The following MPP7 variants were observed in gnomAD, a reference collection of about 807,000 sequenced individuals.
MPP7 encodes MAGUK p55 subfamily member 7.
In MPP7, 60 loss-of-function variants were observed where a neutral mutation model predicts 76.5. The ratio of observed to expected loss-of-function variants is 0.78; its 90% CI spans 0.64 to 0.97. MPP7 has a LOEUF of 0.97. Ranked by LOEUF, MPP7 falls within the 50% of genes least tolerant of loss-of-function variation. The probability of loss-of-function intolerance (pLI) is 0.00; values close to 1 mark genes in which losing one functional copy is unlikely to be tolerated. For synonymous variants in MPP7, 237 were observed against 244.5 expected (o/e 0.97, Z 0.29); for missense variants, 641 against 694.0 (o/e 0.92, Z 0.86).
At chr10:28,239,318 T>C (rs1226818007) in intron 1 of MPP7, among the ~76,000 whole-genome samples, 1 of 151,664 alleles carries the variant, frequency 6.6e-6, no homozygotes, top group Non-Finnish European at 1.5e-5. Flanking sequence ...GCTAATTTTT[T>C]TTTTTTTAAT....
At chr10:28,146,279 C>T (rs1835699311) in intron 5 of MPP7, among the ~76,000 whole-genome samples, 2 of 152,096 alleles carry the variant, frequency 1.3e-5, no homozygotes, top group African/African-American at 2.4e-5. Context: ...TAAACCACTA[C>T]AAATCAATTA....
chr10:28,246,867 T>C (rs1388980121), intron 1 of MPP7, among the ~76,000 whole-genome samples: 1 of 152,230 alleles, frequency 6.6e-6, no homozygotes, highest in East Asian at 1.9e-4. Context: ...TTGAATCATA[T>C]CATACATCTT....
At chr10:28,196,463 C>T (rs1441647045) in intron 3 of MPP7, among the ~76,000 whole-genome samples, 1 of 137,084 alleles carries the variant, frequency 7.3e-6, no homozygotes, top group Non-Finnish European at 1.5e-5. Flanking sequence ...CTGGGTGACA[C>T]AGCGAGACTC....
chr10:28,163,058 T>C (rs1836317356), intron 3 of MPP7, among the ~76,000 whole-genome samples: 1 of 152,150 alleles, frequency 6.6e-6, no homozygotes, highest in Non-Finnish European at 1.5e-5. Flanking sequence ...TCATGTAAGG[T>C]GACACAGTCA....
intron 12 of MPP7, among the ~76,000 whole-genome samples, chr10:28,083,403 G>T (rs1337466124): frequency 5.3e-5 from 8 of 152,072 alleles, no homozygotes; most frequent in Non-Finnish European, 7.4e-5. Flanking sequence ...TGACACCAGG[G>T]GGCTGAAATT....
chr10:28,146,517 T>A (rs1564657468), intron 5 of MPP7, among the ~76,000 whole-genome samples: 1 of 151,704 alleles, frequency 6.6e-6, no homozygotes, highest in South Asian at 2.1e-4. Flanking sequence ...TTCTCCTGCC[T>A]CAGCCTCCCG....
At position 28,115,143 on chromosome 10, in the gene MPP7, C is replaced by T. The variant is rs184761126; in HGVS notation, c.952+4508G>A. Among the ~76,000 whole-genome samples, 230 of 152,018 alleles carry T rather than the reference C, an allele frequency of 1.5e-3. 1 individual carries two copies. Among genetic ancestry groups the T allele is most frequent in the Non-Finnish European group, 2.2e-3 (147 of 67,976 alleles). On this transcript the variant is annotated intron_variant, in intron 11 of 16. Coordinates refer to ENST00000683449, the MANE Select transcript of MPP7 (RefSeq NM_001318170.2). ...TTGAGATGGAGTTTTACTCTTATTG[C>T]CCAGGCTGGAGTGCAATGGCACAAT...
At chr10:28,290,824 C>A (rs766701664) in intron 1 of MPP7, among the ~76,000 whole-genome samples, 3 of 152,122 alleles carry the variant, frequency 2.0e-5, no homozygotes, top group Non-Finnish European at 2.9e-5. Context: ...CAGACTAACA[C>A]GTGAAAGAAG....
At chr10:28,232,927 A>G (rs1361843589) in intron 2 of MPP7, among the ~76,000 whole-genome samples, 1 of 152,202 alleles carries the variant, frequency 6.6e-6, no homozygotes, top group African/African-American at 2.4e-5. Flanking sequence ...TTTTATGTGC[A>G]TTTCTGTACC....
At chr10:28,241,492 C>T (rs1365035854) in intron 1 of MPP7, among the ~76,000 whole-genome samples, 4 of 152,152 alleles carry the variant, frequency 2.6e-5, no homozygotes, top group African/African-American at 9.7e-5. Context: ...CTAGGTTTAA[C>T]TTTCAAACTG....
chr10:28,220,319 A>C (rs1245671316), intron 2 of MPP7, among the ~76,000 whole-genome samples: 1 of 152,182 alleles, frequency 6.6e-6, no homozygotes, highest in Non-Finnish European at 1.5e-5. Context: ...AAATAAAGCC[A>C]TAGAAAAATG....
intron 2 of MPP7, among the ~76,000 whole-genome samples, chr10:28,204,442 C>CAAA (rs35353394): frequency 0.012 from 1,161 of 94,940 alleles, 28 homozygotes; most frequent in East Asian, 0.058. Flanking sequence ...AACTCCGTCT[C>CAAA]AAAAAAAAAA....
intron 8 of MPP7, among the ~76,000 whole-genome samples, chr10:28,121,957 A>C (rs1449804869): frequency 6.6e-6 from 1 of 152,230 alleles, no homozygotes; most frequent in Non-Finnish European, 1.5e-5. Flanking sequence ...CTCTGGGCCG[A>C]GCCTTAAGAA....
chr10:28,276,789 G>C (rs779574110), intron 1 of MPP7, among the ~76,000 whole-genome samples: 5 of 152,080 alleles, frequency 3.3e-5, no homozygotes, highest in Non-Finnish European at 7.4e-5. Flanking sequence ...AGCACAATGT[G>C]AAGAACAATG....
At chr10:28,226,261 T>G (rs921905905) in intron 2 of MPP7, among the ~76,000 whole-genome samples, 2 of 151,956 alleles carry the variant, frequency 1.3e-5, no homozygotes, top group Non-Finnish European at 2.9e-5. Flanking sequence ...AAGTTAATTT[T>G]TTTTTTTTTG....
intron 3 of MPP7, among the ~76,000 whole-genome samples, chr10:28,174,072 T>G (rs1462736960): frequency 6.6e-6 from 1 of 152,020 alleles, no homozygotes. Flanking sequence ...TTAAAACCAA[T>G]GAGATACCAC....
chr10:28,135,820 T>C (rs1293997299), intron 5 of MPP7, among the ~76,000 whole-genome samples: 1 of 152,160 alleles, frequency 6.6e-6, no homozygotes, highest in Non-Finnish European at 1.5e-5. Context: ...AATTTAACTG[T>C]ATAACAAAAT....
chr10:28,149,930 G>A, intron 4 of MPP7, 52 bp downstream of exon 4: 1 of 1,424,370 alleles, frequency 7.0e-7, no homozygotes, highest in Non-Finnish European at 9.8e-7. Context: ...GGTTCTGCCT[G>A]GGCCAGGTCT....
intron 11 of MPP7, among the ~76,000 whole-genome samples, chr10:28,110,118 T>C (rs1349880996): frequency 6.6e-6 from 1 of 150,442 alleles, no homozygotes; most frequent in East Asian, 2.0e-4. Context: ...TGAGATGGAG[T>C]CTCACTCTTT....
Sources: allele counts gnomAD v4.1 joint callset (sites outside exome capture counted in the v4.1 genomes callset), GRCh38; gene constraint gnomAD v4.1.1; transcripts MANE v1.5; gene names NCBI Gene and HGNC (gene_info 2026-07-23, HGNC 2026-07-21).